PRKG1: variants seen among roughly 807,000 people sequenced by gnomAD.
The protein encoded by PRKG1 is cGMP-dependent protein kinase 1.
Under a neutral mutation model 88.1 loss-of-function variants are expected in PRKG1, and 35 were observed. The ratio of observed to expected loss-of-function variants is 0.40; its 90% CI spans 0.30 to 0.53. The LOEUF (loss-of-function observed/expected upper bound fraction) is 0.53, where lower values mean the gene tolerates loss of function less well. PRKG1 is among the 20% of genes least tolerant of loss of function. The pLI is 0.59. For missense variants in PRKG1, 540 were observed against 839.8 expected (o/e 0.64, Z 4.41); for synonymous variants, 303 against 292.5 (o/e 1.04, Z -0.37).
chr10:51,923,958 A>G (rs1374849106), intron 5 of PRKG1, among the ~76,000 whole-genome samples: 1 of 151,856 alleles, frequency 6.6e-6, no homozygotes, highest in African/African-American at 2.4e-5. Flanking sequence ...TCTCTTGAGT[A>G]GCTGGACCAC....
At chr10:52,048,978 A>G (rs1025664603) in intron 5 of PRKG1, among the ~76,000 whole-genome samples, 12 of 152,158 alleles carry the variant, frequency 7.9e-5, no homozygotes, top group Non-Finnish European at 4.4e-5. Context: ...ACCTCCAGGT[A>G]ACGGGGGGAG....
chr10:52,001,826 G>A (rs1443598478), intron 5 of PRKG1, among the ~76,000 whole-genome samples: 2 of 151,880 alleles, frequency 1.3e-5, no homozygotes, highest in Non-Finnish European at 2.9e-5. Flanking sequence ...CTTAACGTAT[G>A]GAATTTAGAA....
chr10:51,438,143 G>C (rs1376821840), intron 2 of PRKG1, among the ~76,000 whole-genome samples: 9 of 151,424 alleles, frequency 5.9e-5, no homozygotes, highest in Non-Finnish European at 1.3e-4. Flanking sequence ...GAAAGCACTG[G>C]ATGCAAATAA....
intron 2 of PRKG1, among the ~76,000 whole-genome samples, chr10:51,276,719 T>C (rs1589304241): frequency 6.6e-6 from 1 of 152,362 alleles, no homozygotes. Flanking sequence ...TGACCAGTGA[T>C]GATGAGCATT....
intron 3 of PRKG1, among the ~76,000 whole-genome samples, chr10:51,487,659 AC>A (rs1840587992): frequency 5.9e-5 from 2 of 33,946 alleles, no homozygotes; most frequent in African/African-American, 2.4e-4. Flanking sequence ...AATGGGCCAA[AC>A]AATTATTAAG....
intron 7 of PRKG1, among the ~76,000 whole-genome samples, chr10:52,074,733 A>G (rs1331639349): frequency 6.6e-6 from 1 of 152,192 alleles, no homozygotes; most frequent in Non-Finnish European, 1.5e-5. Flanking sequence ...GGCAACAAAG[A>G]TTTTAATTGG....
chr10:52,292,455 G>A (rs1842272942), intron 17 of PRKG1, among the ~76,000 whole-genome samples: 1 of 151,952 alleles, frequency 6.6e-6, no homozygotes, highest in South Asian at 2.1e-4. Context: ...TGTAAGGAAG[G>A]GATCCAGTTT....
Position 51,537,549 on chromosome 10 carries a change from G to A in PRKG1, c.592+69713G>A, listed in dbSNP as rs749141527. ...AGTTGGAGACCAGCCTGACAACATG[G>A]TGAAACCCGTCTCTGCTAAAAATAC... is the stretch of plus-strand genomic sequence containing the variant. On this transcript the variant is annotated intron_variant, in intron 3 of 17. Transcript: ENST00000373980. Among the ~76,000 whole-genome samples the A allele has an allele frequency of 1.6e-4, 24 of 152,050 alleles. No homozygotes were observed. In the South Asian group the frequency reaches 1.9e-3, roughly 12 times the overall value.
chr10:51,338,685 T>G (rs1841934886), intron 2 of PRKG1, among the ~76,000 whole-genome samples: 1 of 152,208 alleles, frequency 6.6e-6, no homozygotes, highest in Non-Finnish European at 1.5e-5. Flanking sequence ...AAAGTAGTTA[T>G]CATTAGTCTT....
At chr10:51,527,273 A>G (rs1360382671) in intron 3 of PRKG1, among the ~76,000 whole-genome samples, 1 of 152,030 alleles carries the variant, frequency 6.6e-6, no homozygotes, top group Non-Finnish European at 1.5e-5. Context: ...ATAATAAAAT[A>G]TAATTCTGTA....
intron 5 of PRKG1, among the ~76,000 whole-genome samples, chr10:51,951,090 T>C (rs185417432): frequency 6.6e-6 from 1 of 152,246 alleles, no homozygotes; most frequent in Admixed American, 6.5e-5. Flanking sequence ...CGGGGAAGGG[T>C]GGGCAACCAG....
chr10:51,357,135 A>C (rs1842383668), intron 2 of PRKG1, among the ~76,000 whole-genome samples: 1 of 151,992 alleles, frequency 6.6e-6, no homozygotes, highest in South Asian at 2.1e-4. Flanking sequence ...CTTAGCAAGA[A>C]GTGTAATGGG....
chr10:51,170,472 C>T (rs1589216883), intron 2 of PRKG1, among the ~76,000 whole-genome samples: 2 of 144,348 alleles, frequency 1.4e-5, no homozygotes, highest in African/African-American at 5.2e-5. Flanking sequence ...ACACACACAA[C>T]CAGGAGGTAA....
At chr10:51,040,714 G>A (rs180953563) in intron 1 of PRKG1, among the ~76,000 whole-genome samples, 65 of 152,104 alleles carry the variant, frequency 4.3e-4, no homozygotes, top group East Asian at 3.9e-4. Flanking sequence ...TTTATTTGTA[G>A]CTATTGTAAA....
intron 3 of PRKG1, among the ~76,000 whole-genome samples, chr10:51,672,954 G>A (rs1840620734): frequency 6.6e-6 from 1 of 152,114 alleles, no homozygotes; most frequent in South Asian, 2.1e-4. Context: ...TTTGTTCAAG[G>A]ATCTCAGTTG....
intron 6 of PRKG1, among the ~76,000 whole-genome samples, chr10:52,059,551 A>C (rs1846187583): frequency 6.6e-6 from 1 of 151,988 alleles, no homozygotes; most frequent in Non-Finnish European, 1.5e-5. Flanking sequence ...TAAATATTGT[A>C]TTATTTCATT....
chr10:51,001,231 G>A (rs559340007), intron 1 of PRKG1, among the ~76,000 whole-genome samples: 87 of 152,298 alleles, frequency 5.7e-4, no homozygotes, highest in Admixed American at 9.2e-4. Flanking sequence ...GGTTCCCTGG[G>A]GAGCTCTCAC....
chr10:51,854,963 A>C (rs1306943553), intron 4 of PRKG1, among the ~76,000 whole-genome samples: 1 of 152,208 alleles, frequency 6.6e-6, no homozygotes, highest in Non-Finnish European at 1.5e-5. Flanking sequence ...GGAAAATAGC[A>C]CTGTGCCTGA....
rs1179223573 is a variant in PRKG1, at chr10:51,541,828, ATTTAC to A, written c.592+73997_592+74001del. Among the ~76,000 whole-genome samples the A allele has an allele frequency of 9.8e-5, 15 of 152,292 alleles. No individual in the cohort carries two copies. The South Asian group carries it at 2.9e-3, about 29-fold the overall frequency. On this transcript the variant is annotated intron_variant, in intron 3 of 17. Transcript: ENST00000373980. ...TAACTGATACCTAGGTTCACCTCCA[ATTTAC>A]TTTAACTAGTATTTTAAAATCTTTT... is the stretch of plus-strand genomic sequence containing the variant.
Sources: gnomAD v4.1 joint callset for allele counts (sites outside exome capture counted in the v4.1 genomes callset) on GRCh38, gnomAD v4.1.1 for gene constraint, MANE v1.5 for transcripts, NCBI Gene and HGNC (gene_info 2026-07-23, HGNC 2026-07-21) for gene names.